Variants in COL4A6 observed in about 807,000 individuals in gnomAD.
COL4A6 encodes collagen alpha-6(IV) chain.
A neutral mutation model predicts 126.7 loss-of-function variants in COL4A6; 59 were observed. The observed-to-expected ratio is 0.47, with a 90% CI of 0.38 to 0.58. The LOEUF is 0.58. COL4A6 is among the 20% of genes least tolerant of loss of function. COL4A6 has a pLI of 0.00. For synonymous variants in COL4A6, 547 were observed against 496.6 expected (o/e 1.10, Z -1.35); for missense variants, 1,285 against 1,337.3 (o/e 0.96, Z 0.61).
intron 2 of COL4A6, among the ~76,000 whole-genome samples, chrX:108,370,348 G>A (rs1461609114): frequency 9.0e-6 from 1 of 111,490 alleles, no homozygotes; most frequent in Non-Finnish European, 1.9e-5. Flanking sequence ...ATTCAGAGAT[G>A]GTATGTACTA....
chrX:108,394,030 G>A (rs1364465449), intron 2 of COL4A6, among the ~76,000 whole-genome samples: 2 of 111,964 alleles, frequency 1.8e-5, no homozygotes, highest in African/African-American at 3.3e-5. Flanking sequence ...CAACCCAAAT[G>A]TCCATCAATG....
chrX:108,219,089 G>T (rs1246019534), intron 5 of COL4A6, among the ~76,000 whole-genome samples: 1 of 112,432 alleles, frequency 8.9e-6, no homozygotes, highest in African/African-American at 3.2e-5. Context: ...TAAGGGATTA[G>T]GCTGGGTGGA....
At chrX:108,401,224 A>G (rs762030042) in intron 2 of COL4A6, among the ~76,000 whole-genome samples, 39 of 111,173 alleles carry the variant, frequency 3.5e-4, no homozygotes, top group Non-Finnish European at 7.0e-4. Flanking sequence ...ACATCCTTTG[A>G]CATAGTAATT....
chrX:108,178,896 TG>T, intron 26 of COL4A6, 51 bp from the exon 27 acceptor site: 2 of 1,149,795 alleles, frequency 1.7e-6, no homozygotes, highest in Non-Finnish European at 2.3e-6. Flanking sequence ...TAGCAGTGAG[TG>T]GGTCAGCAAA....
At chrX:108,321,538 T>G (rs1034441517) in intron 2 of COL4A6, among the ~76,000 whole-genome samples, 1 of 111,398 alleles carries the variant, frequency 9.0e-6, no homozygotes, top group African/African-American at 3.3e-5. Flanking sequence ...CTAAATAACC[T>G]TCATATATAA....
intron 3 of COL4A6, among the ~76,000 whole-genome samples, chrX:108,282,274 T>C (rs1361019812): frequency 2.1e-5 from 2 of 96,873 alleles, no homozygotes; most frequent in South Asian, 5.6e-4. Flanking sequence ...ATCCAGAATC[T>C]ACAATGAACT....
At chrX:108,408,373 G>T (rs1323151624) in intron 2 of COL4A6, among the ~76,000 whole-genome samples, 1 of 110,714 alleles carries the variant, frequency 9.0e-6, no homozygotes, top group East Asian at 2.8e-4. Context: ...AAGAACGAAA[G>T]AAAGAAAGAA....
intron 23 of COL4A6, among the ~76,000 whole-genome samples, chrX:108,185,642 C>T (rs1431472471): frequency 9.0e-6 from 1 of 111,581 alleles, no homozygotes; most frequent in Non-Finnish European, 1.9e-5. Context: ...TAAGAAATAG[C>T]CCCTTGGTTA....
At chrX:108,309,801 AACACACAC>A (rs4036315) in intron 3 of COL4A6, among the ~76,000 whole-genome samples, 2,386 of 80,820 alleles carry the variant, frequency 0.03, 22 homozygotes, top group African/African-American at 0.036. Flanking sequence ...TAATCCTGGA[AACACACAC>A]ACACACACAC....
chrX:108,179,962 A>G (rs1475131500), intron 25 of COL4A6, among the ~76,000 whole-genome samples: 1 of 109,739 alleles, frequency 9.1e-6, no homozygotes, highest in Non-Finnish European at 1.9e-5. Context: ...TCCTGTGGAG[A>G]GGCAGAAAAT....
At chrX:108,437,660 G>A (rs1292620724) in intron 2 of COL4A6, among the ~76,000 whole-genome samples, 1 of 111,761 alleles carries the variant, frequency 8.9e-6, no homozygotes, top group Admixed American at 9.5e-5. Flanking sequence ...GTCATCTTAA[G>A]TCGTCTGGGG....
chrX:108,287,471 T>C (rs953190654), intron 3 of COL4A6, among the ~76,000 whole-genome samples: 1 of 112,079 alleles, frequency 8.9e-6, no homozygotes, highest in Admixed American at 9.4e-5. Context: ...AAACTTTATT[T>C]GGCAGCTCTA....
At chrX:108,406,295 T>C (rs766655870) in intron 2 of COL4A6, among the ~76,000 whole-genome samples, 1 of 111,979 alleles carries the variant, frequency 8.9e-6, no homozygotes, top group South Asian at 3.8e-4. Context: ...TTCCACTCCA[T>C]TTCTACAATC....
chrX:108,434,293 A>AT (rs1033942220), intron 2 of COL4A6, among the ~76,000 whole-genome samples: 29 of 106,852 alleles, frequency 2.7e-4, no homozygotes, highest in Admixed American at 6.0e-4. Flanking sequence ...TTAGAATACT[A>AT]TTTTTTTTTT....
chrX:108,175,996 T>G (rs986661734), intron 28 of COL4A6, among the ~76,000 whole-genome samples, 199 bp from the exon 29 acceptor site: 3 of 110,715 alleles, frequency 2.7e-5, no homozygotes, highest in African/African-American at 9.9e-5. Context: ...CCTTCCTGAA[T>G]AGGGACATGG....
intron 3 of COL4A6, among the ~76,000 whole-genome samples, chrX:108,261,055 A>G (rs755415516): frequency 8.3e-4 from 92 of 111,061 alleles, no homozygotes; most frequent in Non-Finnish European, 1.5e-3. Flanking sequence ...TCATCCCCAA[A>G]TTAGAAGACA....
At chrX:108,419,405 T>C (rs2041490603) in intron 2 of COL4A6, among the ~76,000 whole-genome samples, 1 of 111,797 alleles carries the variant, frequency 8.9e-6, no homozygotes, top group African/African-American at 3.2e-5. Context: ...GAATACACAC[T>C]TGTTGGCATA....
chrX:108,280,349 G>A (rs1365398853), intron 3 of COL4A6, among the ~76,000 whole-genome samples: 2 of 111,687 alleles, frequency 1.8e-5, no homozygotes, highest in African/African-American at 6.5e-5. Flanking sequence ...ACTACCATCA[G>A]AGAATACTAC....
At chrX:108,388,262 T>C (rs1322052973) in intron 2 of COL4A6, among the ~76,000 whole-genome samples, 5 of 112,253 alleles carry the variant, frequency 4.5e-5, no homozygotes, top group Non-Finnish European at 9.4e-5. Context: ...CCTCTTTTTC[T>C]ATTCTTTGGA....
Sources: allele counts gnomAD v4.1 joint callset (sites outside exome capture counted in the v4.1 genomes callset), GRCh38; gene constraint gnomAD v4.1.1; transcripts MANE v1.5; gene names NCBI Gene and HGNC (gene_info 2026-07-23, HGNC 2026-07-21).